Variants in FLCN observed in about 807,000 individuals in gnomAD.
The protein encoded by FLCN is folliculin, also known as BHD skin lesion fibrofolliculoma protein.
Under a neutral mutation model 62.5 loss-of-function variants are expected in FLCN, and 22 were observed. The ratio of observed to expected loss-of-function variants is 0.35; its 90% CI spans 0.25 to 0.50. The LOEUF (loss-of-function observed/expected upper bound fraction) is 0.50. Ranked by LOEUF, FLCN falls within the 20% of genes least tolerant of loss-of-function variation. FLCN has a pLI of 0.97. For synonymous variants in FLCN, 319 were observed against 310.0 expected (o/e 1.03, Z -0.30); for missense variants, 657 against 778.0 (o/e 0.84, Z 1.85).
intron 7 of FLCN, among the ~76,000 whole-genome samples, chr17:17,221,888 C>G (rs1226620334): frequency 6.6e-6 from 1 of 152,146 alleles, no homozygotes; most frequent in African/African-American, 2.4e-5. Flanking sequence ...GGGCGCTGCT[C>G]CGATGCCAAT....
intron 4 of FLCN, 68 bp from the exon 5 acceptor site, chr17:17,226,390 G>T: frequency 6.3e-7 from 1 of 1,582,450 alleles, no homozygotes; most frequent in Non-Finnish European, 8.7e-7. Flanking sequence ...TTAGGTTTAT[G>T]CAAATCTGAG....
rs925881153 is a variant in FLCN, at chr17:17,236,985, C to G, written c.-301G>C. 1 of 152,192 alleles carries G rather than the reference C, an allele frequency of 6.6e-6. No individual in the cohort carries two copies. Among genetic ancestry groups the G allele is most frequent in the Non-Finnish European group, 1.5e-5 (1 of 68,076 alleles). The allele number at this position is 152,192 out of a possible 1,614,324, so 9.4% of individuals were successfully genotyped here. On this transcript the variant is annotated 5_prime_UTR_variant, in exon 1 of 14. Coordinates refer to ENST00000285071, the MANE Select transcript of FLCN (RefSeq NM_144997.7). ...GTCCCGCTCTGGGTCCCAGCCCCGC[C>G]CCTGACTGCGCTGGGTAGGTGGTCG...
At chr17:17,234,422 G>A (rs1267388612) in intron 1 of FLCN, among the ~76,000 whole-genome samples, 1 of 151,148 alleles carries the variant, frequency 6.6e-6, no homozygotes, top group African/African-American at 2.4e-5. Flanking sequence ...ATGTTAGCCA[G>A]GCTGGTCTTG....
intron 6 of FLCN, among the ~76,000 whole-genome samples, chr17:17,223,372 C>T (rs1350204887): frequency 2.6e-5 from 4 of 152,198 alleles, no homozygotes; most frequent in African/African-American, 4.8e-5. Context: ...GGATTACAGG[C>T]GTGAGCCACT....
chr17:17,221,996 G>GT (rs2047104876), intron 7 of FLCN, among the ~76,000 whole-genome samples: 1 of 150,244 alleles, frequency 6.7e-6, no homozygotes, highest in Admixed American at 6.7e-5. Flanking sequence ...TCACAGTATT[G>GT]TGATTATATT....
chr17:17,226,391 CA>C, intron 4 of FLCN, 69 bp from the exon 5 acceptor site: 9 of 1,581,958 alleles, frequency 5.7e-6, no homozygotes, highest in Non-Finnish European at 6.9e-6. Flanking sequence ...TAGGTTTATG[CA>C]AATCTGAGCT....
chr17:17,227,754 G>A, intron 4 of FLCN, 135 bp downstream of exon 4: 6 of 1,223,194 alleles, frequency 4.9e-6, no homozygotes, highest in South Asian at 3.7e-5. Flanking sequence ...CAGTCAGGAT[G>A]AGCGGAAAGA....
In FLCN at chr17:17,214,818, C is replaced by T. The variant is rs537851295; in HGVS notation, c.1538+167G>A. Among the ~76,000 whole-genome samples the T allele has an allele frequency of 4.6e-5, 7 of 152,242 alleles. No individual in the cohort carries two copies. The East Asian group carries it at 9.7e-4, about 21-fold the overall frequency. ...GGAGGCAGACATGATGACCGCCTCC[C>T]GAGGCCACCTGAGCTTTGCAGTGGC... On this transcript the variant is annotated intron_variant, in intron 13 of 13. Transcript: ENST00000285071.
chr17:17,215,264 A>G lies in FLCN; in HGVS notation c.1353T>C (p.Pro451=), dbSNP rs1597580172. The part of the protein sequence containing the change: ...VHAAARSTLH[P]VGCEDDQSLS... ...GAGACTGGTCATCCTCACACCCCAC[A>G]GGGTGGAGGGTGGAACGTGCGGCTG... Residue 451 remains proline, a synonymous_variant, in exon 12 of 14, where the codon CCT becomes CCC. Coordinates refer to ENST00000285071, the MANE Select transcript of FLCN (RefSeq NM_144997.7). 1.2e-6 allele frequency: 2 copies of G among 1,614,124 alleles called. No individual in the cohort carries two copies. The highest frequency in any genetic ancestry group is 1.3e-5 in the African/African-American group (1 of 75,066).
At chr17:17,219,264 T>G in intron 8 of FLCN, 55 bp from the exon 9 acceptor site, 2 of 1,591,762 alleles carry the variant, frequency 1.3e-6, no homozygotes, top group South Asian at 1.1e-5. Context: ...ATCCTGTGAC[T>G]TCAGCCCAAG....
At chr17:17,224,258 G>A (rs546547341) in intron 5 of FLCN, 115 bp from the exon 6 acceptor site, 28 of 941,054 alleles carry the variant, frequency 3.0e-5, no homozygotes, top group Middle Eastern at 3.1e-4. Context: ...CGTTAATAAC[G>A]GGGAGAGTGG....
intron 1 of FLCN, among the ~76,000 whole-genome samples, chr17:17,234,989 G>T (rs1394759629): frequency 2.0e-5 from 3 of 152,038 alleles, no homozygotes; most frequent in African/African-American, 7.2e-5. Context: ...GCGGGGGCCT[G>T]TAGCCCCAGC....
At chr17:17,214,036 A>G (rs1369022612) in intron 13 of FLCN, among the ~76,000 whole-genome samples, 180 bp from the exon 14 acceptor site, 18 of 152,156 alleles carry the variant, frequency 1.2e-4, no homozygotes, top group Admixed American at 1.2e-3. Context: ...GCTGTGTCCC[A>G]GCAAGGAAGG....
intron 13 of FLCN, 101 bp downstream of exon 13, chr17:17,214,884 G>T: frequency 1.6e-6 from 2 of 1,260,454 alleles, no homozygotes; most frequent in Non-Finnish European, 2.3e-6. Flanking sequence ...TCTTCTCTCG[G>T]CTCCTCCCTC....
intron 8 of FLCN, chr17:17,220,990 C>G (rs2047068204): frequency 2.5e-5 from 11 of 435,764 alleles, no homozygotes; most frequent in South Asian, 2.4e-4. Context: ...CCTGTAGCAC[C>G]AAGATCAAAT....
intron 4 of FLCN, among the ~76,000 whole-genome samples, chr17:17,227,258 G>A (rs936758440): frequency 3.3e-5 from 5 of 151,640 alleles, no homozygotes; most frequent in South Asian, 2.1e-4. Flanking sequence ...ACTAATTCCC[G>A]AGAGTTCAAG....
In FLCN at chr17:17,216,996, G is replaced by A; in HGVS notation, c.1176+73C>T. The A allele has an allele frequency of 8.9e-7, 1 of 1,122,720 alleles. No individual in the cohort carries two copies. Among genetic ancestry groups the A allele is most frequent in the Non-Finnish European group, 1.4e-6 (1 of 738,896 alleles). The allele number at this position is 1,122,720 out of a possible 1,614,324, so 69.5% of individuals were successfully genotyped here. A position where few individuals can be genotyped will look rare whatever the true frequency, so the allele number is the denominator to read the frequency against. On this transcript the variant is annotated intron_variant, in intron 10 of 13. Transcript: ENST00000285071. This position sits in a 1 kb window ranked among gnomAD's most constrained non-coding sequence, Gnocchi z 4.0. ...TGTGCTGGGCAGTCGGTGCACCTTG[G>A]CATCCCCACCTGACGCCAGGCACCA...
Position 17,216,415 on chromosome 17 carries a change from G to A in FLCN, c.1265C>T (p.Pro422Leu), listed in dbSNP as rs565447853. ...CACGTGGGGGGGGATCTGCACGTGC[G>A]GGCTGAGCCCCAGGAAGTTGCACCG... The part of the protein sequence containing the change: ...AYRCNFLGLS[P>L]HVQIPPHVLS... Residue 422 changes from proline (P) to leucine (L), a missense_variant, in exon 11 of 14, where the codon CCG becomes CTG. Coordinates refer to ENST00000285071, the MANE Select transcript of FLCN (RefSeq NM_144997.7). This position sits in a 1 kb window ranked among gnomAD's most constrained non-coding sequence, Gnocchi z 4.0. The A allele has an allele frequency of 4.3e-5, 69 of 1,613,710 alleles. No individual in the cohort carries two copies. The highest frequency in any genetic ancestry group is 5.3e-5 in the African/African-American group (4 of 75,022).
chr17:17,213,652 G>T lies in FLCN; in HGVS notation c.*3C>A. On this transcript the variant is annotated 3_prime_UTR_variant, in exon 14 of 14. Transcript: ENST00000285071. ...CTGTCTTTAGGCAGGTGTGTGTGACGGGTCAGTTCCGAGACTCCGAGGCTG... is the reference window on the plus strand; with the variant it reads ...CTGTCTTTAGGCAGGTGTGTGTGACTGGTCAGTTCCGAGACTCCGAGGCTG... The T allele has an allele frequency of 2.5e-6, 4 of 1,614,100 alleles. No homozygotes were observed. The highest frequency in any genetic ancestry group is 3.4e-6 in the Non-Finnish European group (4 of 1,180,018).
Sources: allele counts gnomAD v4.1 joint callset (sites outside exome capture counted in the v4.1 genomes callset), GRCh38; gene constraint gnomAD v4.1.1; non-coding constraint Gnocchi (gnomAD v3.1); transcripts MANE v1.5; gene names NCBI Gene and HGNC (gene_info 2026-07-23, HGNC 2026-07-21).